The following ADGRV1 variants were observed in gnomAD, a reference collection of about 807,000 sequenced individuals.
ADGRV1 encodes adhesion G protein-coupled receptor V1, also known as G-protein coupled receptor 98.
Under a neutral mutation model 596.2 loss-of-function variants are expected in ADGRV1, and 359 were observed. That is an observed-to-expected ratio of 0.60 (90% CI 0.55 to 0.66). The LOEUF (loss-of-function observed/expected upper bound fraction) is 0.66. Among genes scored for constraint, ADGRV1 ranks in the 30% least tolerant of loss-of-function variants. The probability of loss-of-function intolerance (pLI) is 0.00; values close to 1 mark genes in which losing one functional copy is unlikely to be tolerated. For missense variants in ADGRV1, 7,274 were observed against 7,575.6 expected (o/e 0.96, Z 1.48); for synonymous variants, 2,681 against 2,679.2 (o/e 1.00, Z -0.02).
At chr5:90,928,314 G>A (rs1160419354) in intron 83 of ADGRV1, among the ~76,000 whole-genome samples, 3 of 151,870 alleles carry the variant, frequency 2.0e-5, no homozygotes, top group African/African-American at 7.3e-5. Flanking sequence ...CATATTTCTT[G>A]GAGGCTTTGC....
intron 70 of ADGRV1, among the ~76,000 whole-genome samples, chr5:90,802,258 C>T (rs1761453583): frequency 6.6e-6 from 1 of 152,152 alleles, no homozygotes; most frequent in African/African-American, 2.4e-5. Context: ...GCACTGTTGC[C>T]AGGCTGGAGT....
intron 83 of ADGRV1, among the ~76,000 whole-genome samples, chr5:90,935,158 C>T (rs1371748287): frequency 6.6e-6 from 1 of 152,192 alleles, no homozygotes; most frequent in African/African-American, 2.4e-5. Context: ...AATGCTTAAT[C>T]AGTGAAAGTA....
At chr5:91,129,920 G>A (rs756842006) in intron 87 of ADGRV1, among the ~76,000 whole-genome samples, 1 of 152,120 alleles carries the variant, frequency 6.6e-6, no homozygotes, top group Non-Finnish European at 1.5e-5. Context: ...CCCTTCTTAT[G>A]TAGTCATAAT....
chr5:90,745,103 G>C lies in ADGRV1; in HGVS notation c.10607G>C (p.Arg3536Pro). ...GCTCTTTACTGCTGGAATTCGGAGC[G>C]TAATCAATTCTCTTTTGTTCTGGAA... ...MSALYCWNSE[R>P]NQFSFVLEVP... The change falls in exon 51 of 90, where the codon CGT becomes CCT. Residue 3536 changes from arginine to proline, a missense_variant. Physicochemically the swap from Arg to Pro is moderately radical, Grantham distance 103 (BLOSUM62 -2). Around this residue, in one of 5 missense-constraint regions of ADGRV1, gnomAD observed 3,643 missense variants for 3,809.2 expected, o/e 0.96. Transcript: ENST00000405460. The C allele has an allele frequency of 6.2e-7, 1 of 1,613,718 alleles. No homozygotes were observed. The highest frequency in any genetic ancestry group is 8.5e-7 in the Non-Finnish European group (1 of 1,179,766).
In ADGRV1 at chr5:90,936,283, TCTC is replaced by T. The variant is rs372837539; in HGVS notation, c.17857-29128_17857-29126del. ...ATATTTCTAACATTAATTATGGTGT[TCTC>T]CTCTCTCACACACACACATACATGC... On this transcript the variant is annotated intron_variant, in intron 83 of 89. Transcript: ENST00000405460. Among the ~76,000 whole-genome samples the T allele has an allele frequency of 1.5e-3, 232 of 152,180 alleles. 1 individual carries two copies. Among genetic ancestry groups the T allele is most frequent in the African/African-American group, 5.2e-3 (215 of 41,540 alleles).
Position 90,848,704 on chromosome 5 carries a change from G to T in ADGRV1, c.17087G>T (p.Cys5696Phe), listed in dbSNP as rs1459628615. The T allele has an allele frequency of 2.5e-6, 4 of 1,588,222 alleles. No individual in the cohort carries two copies. The highest frequency in any genetic ancestry group is 3.4e-6 in the Non-Finnish European group (4 of 1,169,948). The change falls in exon 79 of 90, where the codon TGT becomes TTT. Residue 5696 changes from cysteine to phenylalanine, a missense_variant. Coordinates refer to ENST00000405460, the MANE Select transcript of ADGRV1 (RefSeq NM_032119.4). ...CGAACTCTTTTCTATGAGATTCTTT[G>T]TTCTCTTATTAACCCAAAGCGCAAG... The part of the protein sequence containing the change: ...ASRTLFYEIL[C>F]SLINPKRKDT...
At chr5:90,834,134 C>T (rs779488310) in intron 77 of ADGRV1, among the ~76,000 whole-genome samples, 9 of 151,862 alleles carry the variant, frequency 5.9e-5, no homozygotes, top group Non-Finnish European at 1.2e-4. Context: ...ATTTTTTATC[C>T]GTTCAGTGTT....
intron 87 of ADGRV1, among the ~76,000 whole-genome samples, chr5:91,129,000 A>G (rs1793989116): frequency 6.6e-6 from 1 of 152,244 alleles, no homozygotes; most frequent in Non-Finnish European, 1.5e-5. Context: ...AAGCTAGGAA[A>G]AACCTCGGTT....
intron 1 of ADGRV1, among the ~76,000 whole-genome samples, chr5:90,583,059 T>G (rs984780421): frequency 1.3e-5 from 2 of 152,210 alleles, no homozygotes; most frequent in Non-Finnish European, 2.9e-5. Context: ...GAAACAATCT[T>G]TGAGTATTAT....
rs559403957 is a variant in ADGRV1 at position 91,068,641 on chromosome 5, C to G, written c.18153-3806C>G. On this transcript the variant is annotated intron_variant, in intron 85 of 89. Transcript: ENST00000405460. ...CTGCTGAAAGAAATAATACATGACA[C>G]AAACAATTGGAAAAGCATTCCAGCT... 5.5e-4 allele frequency among the ~76,000 whole-genome samples: 83 copies of G among 151,788 alleles called. 2 individuals carry two copies. The highest frequency in any genetic ancestry group is 1.8e-4 in the Non-Finnish European group (12 of 67,942).
At chr5:90,628,881 A>G (rs1580511353) in intron 8 of ADGRV1, 49 bp downstream of exon 8, 7 of 1,538,592 alleles carry the variant, frequency 4.5e-6, no homozygotes, top group African/African-American at 1.4e-5. Flanking sequence ...TGTGCTGTAC[A>G]AGAACCAAAG....
chr5:90,911,412 A>G (rs1772880026), intron 83 of ADGRV1, among the ~76,000 whole-genome samples: 1 of 152,186 alleles, frequency 6.6e-6, no homozygotes, highest in Non-Finnish European at 1.5e-5. Flanking sequence ...CTCATGAGGT[A>G]TATTCATGAT....
chr5:90,629,598 G>A (rs1197360810), intron 9 of ADGRV1, 59 bp downstream of exon 9: 2 of 1,135,466 alleles, frequency 1.8e-6, no homozygotes, highest in Non-Finnish European at 2.5e-6. Flanking sequence ...ACTAACCTGT[G>A]TGAAAGAATT....
intron 54 of ADGRV1, among the ~76,000 whole-genome samples, chr5:90,754,246 A>G (rs1326810332): frequency 6.6e-6 from 1 of 152,216 alleles, no homozygotes; most frequent in African/African-American, 2.4e-5. Flanking sequence ...TTAATCCAAA[A>G]TAGTAATTAG....
intron 83 of ADGRV1, among the ~76,000 whole-genome samples, chr5:90,961,680 T>G (rs1333231221): frequency 9.2e-5 from 14 of 152,140 alleles, no homozygotes. Context: ...GGACACATGC[T>G]GTATATTTAA....
chr5:90,653,911 C>T lies in ADGRV1; in HGVS notation c.4337C>T (p.Pro1446Leu). 1 of 1,569,412 alleles carries T rather than the reference C, an allele frequency of 6.4e-7. No homozygotes were observed. Among genetic ancestry groups the T allele is most frequent in the East Asian group, 2.3e-5 (1 of 43,008 alleles). Residue 1446 changes from proline (P) to leucine (L), a missense_variant, in exon 20 of 90, where the codon CCC becomes CTC. Physicochemically the swap from Pro to Leu is moderately conservative, Grantham distance 98 (BLOSUM62 -3). Coordinates refer to ENST00000405460, the MANE Select transcript of ADGRV1 (RefSeq NM_032119.4). Reference protein sequence around the residue: ...IEFYLDGNAMPRGIKSLKGEA... With the variant: ...IEFYLDGNAMLRGIKSLKGEA... ...TTCTACCTGGATGGAAATGCAATGC[C>T]CAGGGGAATCAAGAGTCTGAAAGGA...
intron 50 of ADGRV1, among the ~76,000 whole-genome samples, chr5:90,736,723 C>T (rs1753274764): frequency 6.6e-6 from 1 of 151,600 alleles, no homozygotes; most frequent in Admixed American, 6.6e-5. Context: ...GACGTTTATT[C>T]ATTTTTTCAA....
intron 85 of ADGRV1, among the ~76,000 whole-genome samples, chr5:91,001,519 C>A (rs1781855636): frequency 6.6e-6 from 1 of 151,906 alleles, no homozygotes; most frequent in African/African-American, 2.4e-5. Context: ...TAGGCATACT[C>A]TTATTTATTC....
At chr5:91,129,575 G>C (rs964736681) in intron 87 of ADGRV1, among the ~76,000 whole-genome samples, 1 of 152,164 alleles carries the variant, frequency 6.6e-6, no homozygotes, top group Non-Finnish European at 1.5e-5. Context: ...TATTCATGAT[G>C]TATTAATTTA....
Sources: gnomAD v4.1 joint callset for allele counts (sites outside exome capture counted in the v4.1 genomes callset) on GRCh38, gnomAD v4.1.1 for gene constraint, gnomAD v4.1.1 regional missense constraint, MANE v1.5 for transcripts, NCBI Gene and HGNC (gene_info 2026-07-23, HGNC 2026-07-21) for gene names.